Variants in THSD7A observed in about 807,000 individuals in gnomAD.
The protein encoded by THSD7A is thrombospondin type-1 domain-containing protein 7A.
THSD7A carries 96 observed loss-of-function variants against 231.3 expected under a neutral mutation model. The ratio of observed to expected loss-of-function variants is 0.41; its 90% CI spans 0.35 to 0.49. THSD7A has a LOEUF of 0.49. THSD7A is among the 20% of genes least tolerant of loss of function. THSD7A has a pLI of 0.05. For missense variants in THSD7A, 2,290 were observed against 2,070.2 expected (o/e 1.11, Z -2.06); for synonymous variants, 940 against 743.3 (o/e 1.26, Z -4.30).
At chr7:11,484,016 C>A (rs765989517) in intron 6 of THSD7A, among the ~76,000 whole-genome samples, 1 of 151,576 alleles carries the variant, frequency 6.6e-6, no homozygotes, top group Non-Finnish European at 1.5e-5. Context: ...ACTCCCCCTG[C>A]CCCCCATCCG....
Position 11,379,687 on chromosome 7 carries a change from A to G in THSD7A, c.4533T>C (p.Pro1511=). 6.3e-7 allele frequency: 1 copy of G among 1,592,440 alleles called. No homozygotes were observed. The highest frequency in any genetic ancestry group is 1.7e-5 in the Admixed American group (1 of 57,286). ...GTGGGTTACAAGACCTGTCGGCATC[A>G]GGCTGGCTCATCACCAAGCAGCCCC... ...VTGGCLVMSQ[P]DADRSCNPPC... Residue 1511 remains proline, a synonymous_variant, in exon 25 of 28, where the codon CCT becomes CCC. Coordinates refer to ENST00000423059, the MANE Select transcript of THSD7A (RefSeq NM_015204.3).
intron 1 of THSD7A, among the ~76,000 whole-genome samples, chr7:11,738,912 A>C (rs1198674907): frequency 6.6e-6 from 1 of 152,016 alleles, no homozygotes; most frequent in Non-Finnish European, 1.5e-5. Context: ...GTAAGATACC[A>C]CATTTGGGTT....
At chr7:11,764,262 T>C (rs964853109) in intron 1 of THSD7A, among the ~76,000 whole-genome samples, 2 of 152,150 alleles carry the variant, frequency 1.3e-5, no homozygotes, top group African/African-American at 4.8e-5. Context: ...TATTTACAAA[T>C]AGTCTATAGT....
At chr7:11,781,273 C>G (rs935200904) in intron 1 of THSD7A, among the ~76,000 whole-genome samples, 1 of 151,212 alleles carries the variant, frequency 6.6e-6, no homozygotes, top group African/African-American at 2.4e-5. Flanking sequence ...AAGTCAGACC[C>G]TGTCTCTGCA....
intron 1 of THSD7A, among the ~76,000 whole-genome samples, chr7:11,696,399 T>A (rs1332430339): frequency 6.6e-6 from 1 of 151,546 alleles, no homozygotes; most frequent in African/African-American, 2.4e-5. Flanking sequence ...TAATTCATTA[T>A]AAAGAACTCT....
At chr7:11,653,047 C>A (rs763751282) in intron 1 of THSD7A, among the ~76,000 whole-genome samples, 3 of 151,814 alleles carry the variant, frequency 2.0e-5, no homozygotes, top group Non-Finnish European at 2.9e-5. Flanking sequence ...ATTTATATGG[C>A]ATTTATTGTT....
At chr7:11,754,435 GA>G (rs1413925928) in intron 1 of THSD7A, among the ~76,000 whole-genome samples, 9 of 152,040 alleles carry the variant, frequency 5.9e-5, no homozygotes, top group Non-Finnish European at 1.2e-4. Context: ...AGGAAGCAGA[GA>G]AAATACATCC....
At chr7:11,612,495 ATACT>A (rs1275593111) in intron 2 of THSD7A, among the ~76,000 whole-genome samples, 1 of 152,260 alleles carries the variant, frequency 6.6e-6, no homozygotes, top group Non-Finnish European at 1.5e-5. Context: ...ATGTGACCAG[ATACT>A]TACTTGTGAA....
At chr7:11,550,240 G>A (rs1789571231) in intron 4 of THSD7A, among the ~76,000 whole-genome samples, 1 of 151,916 alleles carries the variant, frequency 6.6e-6, no homozygotes, top group African/African-American at 2.4e-5. Context: ...ATTCACAATA[G>A]CCACCAAGAG....
At chr7:11,398,748 T>G (rs192366445) in intron 23 of THSD7A, among the ~76,000 whole-genome samples, 47 of 151,770 alleles carry the variant, frequency 3.1e-4, no homozygotes, top group Non-Finnish European at 5.6e-4. Context: ...TCCTGCTGAG[T>G]GTCTGACCAT....
chr7:11,815,884 T>C (rs2128185572), intron 1 of THSD7A, among the ~76,000 whole-genome samples: 1 of 152,084 alleles, frequency 6.6e-6, no homozygotes, highest in South Asian at 2.1e-4. Flanking sequence ...CCCCAAATTA[T>C]TTCCTACTTT....
chr7:11,501,630 A>G (rs7458196), intron 6 of THSD7A, among the ~76,000 whole-genome samples: 25,641 of 152,256 alleles, frequency 0.17, 2,376 homozygotes, highest in South Asian at 0.27. Context: ...TAGCTAAGGC[A>G]GTGTTAAGAG....
chr7:11,556,339 A>T (rs896653073), intron 4 of THSD7A, among the ~76,000 whole-genome samples: 1 of 151,510 alleles, frequency 6.6e-6, no homozygotes, highest in Non-Finnish European at 1.5e-5. Context: ...CTATATATAT[A>T]TATCTTATCA....
At chr7:11,647,761 G>GTGTTAGGAAGTGTGTGATATTGGC (rs1562440378) in intron 1 of THSD7A, among the ~76,000 whole-genome samples, 5 of 152,070 alleles carry the variant, frequency 3.3e-5, no homozygotes, top group African/African-American at 1.2e-4. Flanking sequence ...TGTTCTATTT[G>GTGTTAGGAAGTGTGTGATATTGGC]TGTTAGGAAG....
At chr7:11,481,220 G>A (rs907923819) in intron 7 of THSD7A, among the ~76,000 whole-genome samples, 4 of 152,126 alleles carry the variant, frequency 2.6e-5, no homozygotes, top group Admixed American at 2.0e-4. Context: ...CCTATAGGGT[G>A]AAGAGATTTA....
chr7:11,521,539 G>A (rs997369051), intron 6 of THSD7A, among the ~76,000 whole-genome samples: 2 of 138,886 alleles, frequency 1.4e-5, no homozygotes, highest in African/African-American at 5.6e-5. Context: ...TGTGCACATT[G>A]TGCAGGTTAG....
chr7:11,555,399 G>T (rs1789803357), intron 4 of THSD7A, among the ~76,000 whole-genome samples: 1 of 151,674 alleles, frequency 6.6e-6, no homozygotes. Context: ...TATCTTTTTT[G>T]ATTGAATTCT....
chr7:11,822,478 T>C (rs547199566), intron 1 of THSD7A, among the ~76,000 whole-genome samples: 1 of 152,158 alleles, frequency 6.6e-6, no homozygotes, highest in Non-Finnish European at 1.5e-5. Context: ...TGATTCCACA[T>C]CTTTGCTATT....
In THSD7A at chr7:11,801,838, C is replaced by T. The variant is rs1784286065; in HGVS notation, c.190+29919G>A. On this transcript the variant is annotated intron_variant, in intron 1 of 27. Coordinates refer to ENST00000423059, the MANE Select transcript of THSD7A (RefSeq NM_015204.3). ...ACTGTTCCAGTCAGGCAAAGCTTAC[C>T]ACAAAATTAAAGTAACACATATTTA... 2.0e-5 allele frequency among the ~76,000 whole-genome samples: 3 copies of T among 152,030 alleles called. No individual in the cohort carries two copies. The South Asian group carries it at 6.2e-4, about 32-fold the overall frequency.
Sources: gnomAD v4.1 joint callset for allele counts (sites outside exome capture counted in the v4.1 genomes callset) on GRCh38, gnomAD v4.1.1 for gene constraint, MANE v1.5 for transcripts, NCBI Gene and HGNC (gene_info 2026-07-23, HGNC 2026-07-21) for gene names.